Variants in ZBBX observed in about 807,000 individuals in gnomAD.
The protein encoded by ZBBX is zinc finger B-box domain containing, also known as zinc finger B-box domain-containing protein 1.
A neutral mutation model predicts 108.5 loss-of-function variants in ZBBX; 101 were observed. That is an observed-to-expected ratio of 0.93 (90% CI 0.79 to 1.10). The LOEUF is 1.10. Among genes scored for constraint, ZBBX ranks in the 50% least tolerant of loss-of-function variants. The probability of loss-of-function intolerance (pLI) is 0.00; values close to 1 mark genes in which losing one functional copy is unlikely to be tolerated. For missense variants in ZBBX, 1,009 were observed against 941.4 expected, an observed-to-expected ratio of 1.07 and a Z score of -0.94; for synonymous variants, 356 against 323.4, an observed-to-expected ratio of 1.10 and a Z score of -1.08.
chr3:167,251,925 AAC>A (rs3221849), intron 20 of ZBBX, among the ~76,000 whole-genome samples: 4,583 of 143,728 alleles, frequency 0.032, 86 homozygotes, highest in Middle Eastern at 0.059. Flanking sequence ...TTGTGCCTGC[AAC>A]ACACACACAC....
the ZBBX span, among the ~76,000 whole-genome samples, chr3:167,184,826 T>C: frequency 6.6e-6 from 1 of 152,168 alleles, no homozygotes; most frequent in South Asian, 2.1e-4. Context: ...ATGTGCATGC[T>C]ACACCTAAAC....
the ZBBX span, among the ~76,000 whole-genome samples, chr3:167,224,297 T>A: frequency 6.6e-6 from 1 of 151,992 alleles, no homozygotes; most frequent in African/African-American, 2.4e-5. Context: ...GCTTTATTTT[T>A]CTATAAACAT....
In ZBBX at chr3:167,295,710, AATATATATATATAT is replaced by A. The variant is rs1181996279; in HGVS notation, c.1879+2581_1879+2594del. On this transcript the variant is annotated intron_variant, in intron 18 of 21. Transcript: ENST00000675490. The stretch of plus-strand genomic sequence containing the variant: ...AAATCATGAAGAAACAAAAAATTGG[AATATATATATATAT>A]ATATATATATATATATATATATATA... 2.5e-5 allele frequency among the ~76,000 whole-genome samples: 2 copies of A among 78,952 alleles called. 1 individual carries two copies. The highest frequency in any genetic ancestry group is 9.9e-4 in the South Asian group (2 of 2,020). 51.8% of individuals were successfully genotyped at this position (78,952 alleles called of 152,430 possible). A position where few individuals can be genotyped will look rare whatever the true frequency, so the allele number is the denominator to read the frequency against.
chr3:167,375,123 G>A (rs1225066318), intron 2 of ZBBX, among the ~76,000 whole-genome samples: 1 of 152,192 alleles, frequency 6.6e-6, no homozygotes. Flanking sequence ...AAGACTTAAG[G>A]AAGGACAGCA....
At chr3:167,233,576 G>A in the ZBBX span, among the ~76,000 whole-genome samples, 1 of 151,706 alleles carries the variant, frequency 6.6e-6, no homozygotes, top group Admixed American at 6.6e-5. Context: ...ATTTCCCCTT[G>A]AGGCCAGCTC....
intron 1 of ZBBX, among the ~76,000 whole-genome samples, chr3:167,395,333 AACTGGTTTTACTTGCAAT>A (rs1395011706): frequency 6.6e-6 from 1 of 152,064 alleles, no homozygotes; most frequent in Admixed American, 6.6e-5. Flanking sequence ...TTCTGGTACT[AACTGGTTTTACTTGCAAT>A]ACTGGTCTTT....
In ZBBX at chr3:167,328,066, A is replaced by T. The variant is rs1434458951; in HGVS notation, c.738T>A (p.Ser246Arg). Reference protein sequence around the residue: ...KRAQRTKPRKSLLCEGSFDEE... With the variant: ...KRAQRTKPRKRLLCEGSFDEE... ...CATCGAATGACCCTTCACACAACAG[A>T]CTCTTTCTTGGTTTTGTACGTTGTG... The change falls in exon 11 of 22, where the codon AGT becomes AGA. Residue 246 changes from serine to arginine, a missense_variant. Coordinates refer to ENST00000675490, the MANE Select transcript of ZBBX (RefSeq NM_001199201.2). 2 of 1,613,254 alleles carry T rather than the reference A, an allele frequency of 1.2e-6. No individual in the cohort carries two copies. Among genetic ancestry groups the T allele is most frequent in the Non-Finnish European group, 1.7e-6 (2 of 1,179,822 alleles).
chr3:167,319,406 G>T (rs898883051), intron 12 of ZBBX, among the ~76,000 whole-genome samples: 1 of 152,012 alleles, frequency 6.6e-6, no homozygotes, highest in African/African-American at 2.4e-5. Context: ...GAATGTGGTT[G>T]TAAGACTGTT....
chr3:167,325,684 C>A (rs113519909), intron 11 of ZBBX, among the ~76,000 whole-genome samples: 1 of 151,958 alleles, frequency 6.6e-6, no homozygotes, highest in Non-Finnish European at 1.5e-5. Context: ...ATCATTTGAC[C>A]CCACCACATA....
At chr3:167,349,534 A>G (rs959532245) in intron 9 of ZBBX, among the ~76,000 whole-genome samples, 4 of 152,032 alleles carry the variant, frequency 2.6e-5, no homozygotes, top group African/African-American at 7.2e-5. Flanking sequence ...TATTTGGGTC[A>G]TCAGCACCCT....
intron 8 of ZBBX, among the ~76,000 whole-genome samples, chr3:167,351,932 T>G (rs1742727697): frequency 1.3e-5 from 2 of 152,110 alleles, no homozygotes; most frequent in Admixed American, 6.6e-5. Flanking sequence ...GTTCTGCCCT[T>G]CCTGGTTGCT....
At chr3:167,296,064 A>G (rs1301276828) in intron 18 of ZBBX, among the ~76,000 whole-genome samples, 2 of 151,962 alleles carry the variant, frequency 1.3e-5, no homozygotes, top group Non-Finnish European at 2.9e-5. Context: ...ATGATCAAAT[A>G]AAATTTATTT....
At chr3:167,230,927 CAGTT>C in the ZBBX span, among the ~76,000 whole-genome samples, 2 of 151,534 alleles carry the variant, frequency 1.3e-5, no homozygotes, top group Admixed American at 6.6e-5. Context: ...GTGGTGGAGC[CAGTT>C]AGAAGAGTCA....
chr3:167,367,451 A>G (rs1745487086), intron 5 of ZBBX, among the ~76,000 whole-genome samples: 1 of 151,842 alleles, frequency 6.6e-6, no homozygotes, highest in Non-Finnish European at 1.5e-5. Context: ...CACAAAAAAT[A>G]CTACGTAGCC....
chr3:167,186,379 T>A, the ZBBX span, among the ~76,000 whole-genome samples: 22 of 151,800 alleles, frequency 1.4e-4, no homozygotes, highest in African/African-American at 5.3e-4. Flanking sequence ...TGTACTCAAA[T>A]ATTTGTAGGA....
At chr3:167,336,239 T>C (rs966431896) in intron 9 of ZBBX, among the ~76,000 whole-genome samples, 9 of 152,084 alleles carry the variant, frequency 5.9e-5, no homozygotes, top group Non-Finnish European at 1.3e-4. Context: ...GGTAGCATAT[T>C]AAGAGAATCA....
chr3:167,367,772 T>A (rs1745544445), intron 5 of ZBBX, among the ~76,000 whole-genome samples: 1 of 151,294 alleles, frequency 6.6e-6, no homozygotes, highest in Non-Finnish European at 1.5e-5. Context: ...GAAGAGAGAA[T>A]TTCCATCACA....
intron 20 of ZBBX, among the ~76,000 whole-genome samples, chr3:167,267,406 G>T (rs544515119): frequency 6.6e-6 from 1 of 152,168 alleles, no homozygotes; most frequent in Admixed American, 6.5e-5. Flanking sequence ...ATGAGAAATT[G>T]AGCCTAACTA....
At chr3:167,293,085 G>A (rs1165162561) in intron 18 of ZBBX, among the ~76,000 whole-genome samples, 1 of 152,130 alleles carries the variant, frequency 6.6e-6, no homozygotes, top group Admixed American at 6.6e-5. Context: ...AAAAGTCCAG[G>A]ACCAGATGTA....
Sources: gnomAD v4.1 joint callset for allele counts (sites outside exome capture counted in the v4.1 genomes callset) on GRCh38, gnomAD v4.1.1 for gene constraint, MANE v1.5 for transcripts, NCBI Gene and HGNC (gene_info 2026-07-23, HGNC 2026-07-21) for gene names.